The following WDR11 variants were observed in gnomAD, a reference collection of about 807,000 sequenced individuals.
WDR11 encodes WD repeat domain 11.
A neutral mutation model predicts 151.2 loss-of-function variants in WDR11; 83 were observed. That is an observed-to-expected ratio of 0.55 (90% CI 0.46 to 0.66). The LOEUF (loss-of-function observed/expected upper bound fraction) is 0.66. Among genes scored for constraint, WDR11 ranks in the 30% least tolerant of loss-of-function variants. The pLI, the probability that WDR11 is intolerant of heterozygous loss-of-function variation, is 0.00. For missense variants in WDR11, 1,301 were observed against 1,480.9 expected (o/e 0.88, Z 1.99); for synonymous variants, 484 against 533.1 (o/e 0.91, Z 1.27).
rs189718533 is a variant in WDR11, at chr10:120,859,088, T to A, written c.352+292T>A. On this transcript the variant is annotated intron_variant, in intron 3 of 28. Coordinates refer to ENST00000263461, the MANE Select transcript of WDR11 (RefSeq NM_018117.12). ...AAGTAAGTGGTACAATCTTGTAATC[T>A]AAGCTACAATATAAGGAAAATTGGC... Among the ~76,000 whole-genome samples, 297 of 152,306 alleles carry A rather than the reference T, an allele frequency of 2.0e-3. 1 individual carries two copies. The highest frequency in any genetic ancestry group is 0.014 in the South Asian group (68 of 4,814).
intron 5 of WDR11, among the ~76,000 whole-genome samples, chr10:120,863,547 A>G (rs145025477): frequency 2.8e-4 from 42 of 152,350 alleles, no homozygotes; most frequent in African/African-American, 9.1e-4. Context: ...ATTTATTTAG[A>G]AGATGTCGGC....
At chr10:120,851,754 T>C in intron 1 of WDR11, 1 of 586,726 alleles carries the variant, frequency 1.7e-6, no homozygotes, top group Middle Eastern at 4.3e-4. Flanking sequence ...CTGTTTTCTC[T>C]GCACCTCGCC....
intron 19 of WDR11, among the ~76,000 whole-genome samples, chr10:120,893,176 C>G (rs924461817): frequency 6.8e-6 from 1 of 147,562 alleles, no homozygotes; most frequent in African/African-American, 2.5e-5. Flanking sequence ...CCCTCCACCC[C>G]ACAACAGTCC....
chr10:120,895,521 A>G (rs1847581020), intron 19 of WDR11, among the ~76,000 whole-genome samples: 1 of 152,122 alleles, frequency 6.6e-6, no homozygotes, highest in Non-Finnish European at 1.5e-5. Flanking sequence ...AAAAAAAAAA[A>G]TTCAAAGCAA....
At chr10:120,891,290 T>C (rs748240525) in intron 19 of WDR11, among the ~76,000 whole-genome samples, 3 of 152,218 alleles carry the variant, frequency 2.0e-5, no homozygotes, top group Non-Finnish European at 2.9e-5. Flanking sequence ...GAAAAGTCAC[T>C]TTAGAAAGTG....
In WDR11 at chr10:120,902,309, C is replaced by A; in HGVS notation, c.2740C>A (p.Leu914Met). Reference sequence around the variant, plus strand: ...AGAATTCACTCTCTTGCAGAGGTGCCTGCTTGTTTCAAGGTAATATTGTTT... The same window carrying A: ...AGAATTCACTCTCTTGCAGAGGTGCATGCTTGTTTCAAGGTAATATTGTTT... Reference protein sequence around the residue: ...DPEFTLLQRCLLVSRLYGDES... With the variant: ...DPEFTLLQRCMLVSRLYGDES... The change falls in exon 22 of 29, where the codon CTG (leucine) becomes ATG (methionine). Residue 914 changes from leucine (L) to methionine (M), a missense_variant. Leu to Met is a conservative substitution (Grantham distance 15). This residue lies in a region of WDR11 where 589 missense variants were observed against 670.6 expected (regional missense o/e 0.88). Coordinates refer to ENST00000263461, the MANE Select transcript of WDR11 (RefSeq NM_018117.12). The A allele has an allele frequency of 1.2e-6, 2 of 1,613,810 alleles. No homozygotes were observed. Among genetic ancestry groups the A allele is most frequent in the Non-Finnish European group, 1.7e-6 (2 of 1,179,766 alleles).
At position 120,908,901 on chromosome 10, in the gene WDR11, C is replaced by T. The variant is rs898688220; in HGVS notation, c.*188C>T. ...ATGTTGAGAGTAAGTTTGTATCCTG[C>T]GTTGGTCTCAGAAAGAACGTGAATG... On this transcript the variant is annotated 3_prime_UTR_variant, in exon 29 of 29. Coordinates refer to ENST00000263461, the MANE Select transcript of WDR11 (RefSeq NM_018117.12). 3.9e-5 allele frequency: 25 copies of T among 637,976 alleles called. No homozygotes were observed. Among genetic ancestry groups the T allele is most frequent in the Admixed American group, 2.7e-4 (10 of 37,220 alleles). 39.5% of individuals were successfully genotyped at this position (637,976 alleles called of 1,614,324 possible). A position where few individuals can be genotyped will look rare whatever the true frequency, so the allele number is the denominator to read the frequency against.
intron 13 of WDR11, among the ~76,000 whole-genome samples, chr10:120,881,154 G>A (rs1016940054): frequency 2.6e-5 from 4 of 152,086 alleles, no homozygotes; most frequent in Admixed American, 6.5e-5. Flanking sequence ...AAGTTCTTAT[G>A]TACTTCTATC....
At chr10:120,902,424 A>G (rs1703757135) in intron 22 of WDR11, 102 bp downstream of exon 22, 1 of 951,222 alleles carries the variant, frequency 1.1e-6, no homozygotes, top group Admixed American at 2.0e-5. Context: ...AGAAAAATGT[A>G]TCAGTTCATC....
chr10:120,895,836 T>C (rs1447878800), intron 19 of WDR11, among the ~76,000 whole-genome samples: 2 of 152,202 alleles, frequency 1.3e-5, no homozygotes, highest in African/African-American at 4.8e-5. Context: ...ATATACTCTG[T>C]TGGCAAGGCT....
At chr10:120,862,128 T>TTTGG (rs1846162162) in intron 4 of WDR11, among the ~76,000 whole-genome samples, 1 of 151,040 alleles carries the variant, frequency 6.6e-6, no homozygotes, top group Admixed American at 6.6e-5. Context: ...TGTTTGTTTG[T>TTTGG]TTTTTGTTTT....
chr10:120,906,374 G>T, intron 27 of WDR11: 1 of 1,248,874 alleles, frequency 8.0e-7, no homozygotes, highest in Non-Finnish European at 1.0e-6. Flanking sequence ...TGGTGAGGTG[G>T]AGACATCCCG....
At chr10:120,861,278 A>G (rs6585666) in intron 4 of WDR11, among the ~76,000 whole-genome samples, 98,940 of 152,062 alleles carry the variant, frequency 0.65, 33,057 homozygotes, top group African/African-American at 0.82. Flanking sequence ...GGCAGACAAA[A>G]TTGAAATTAT....
chr10:120,858,908 G>T, intron 3 of WDR11, 112 bp downstream of exon 3: 1 of 1,337,036 alleles, frequency 7.5e-7, no homozygotes, highest in Non-Finnish European at 1.0e-6. Context: ...TTCCAAGTTA[G>T]CTCTTGATTG....
chr10:120,908,840 C>T lies in WDR11; in HGVS notation c.*127C>T. The T allele has an allele frequency of 4.9e-6, 5 of 1,017,744 alleles. 1 individual carries two copies. Among genetic ancestry groups the T allele is most frequent in the South Asian group, 3.9e-5 (3 of 75,972 alleles). 63.0% of individuals were successfully genotyped at this position (1,017,744 alleles called of 1,614,324 possible). On this transcript the variant is annotated 3_prime_UTR_variant, in exon 29 of 29. Coordinates refer to ENST00000263461, the MANE Select transcript of WDR11 (RefSeq NM_018117.12). ...TCCTGTGAGCTGTTTGACCACTGTTCTAAGACTATGTGTGCCCAAAAGCAC... is the reference window on the plus strand; with the variant it reads ...TCCTGTGAGCTGTTTGACCACTGTTTTAAGACTATGTGTGCCCAAAAGCAC...
chr10:120,890,549 AG>A (rs1309033433), intron 18 of WDR11, among the ~76,000 whole-genome samples, 166 bp from the exon 19 acceptor site: 1 of 152,236 alleles, frequency 6.6e-6, no homozygotes, highest in African/African-American at 2.4e-5. Context: ...ACTGTCTCTG[AG>A]ACCTTTAAAA....
intron 23 of WDR11, among the ~76,000 whole-genome samples, chr10:120,903,510 CAAA>C (rs60137682): frequency 5.6e-5 from 7 of 126,012 alleles, no homozygotes; most frequent in Admixed American, 7.8e-5. Context: ...ACTCTGTCTC[CAAA>C]AAAAAAAAAA....
At chr10:120,859,001 G>T (rs1218986299) in intron 3 of WDR11, among the ~76,000 whole-genome samples, 1 of 152,086 alleles carries the variant, frequency 6.6e-6, no homozygotes, top group Admixed American at 6.6e-5. Context: ...AATCTCAACT[G>T]ATTTGTGCTT....
chr10:120,886,903 G>A, intron 16 of WDR11, 67 bp downstream of exon 16: 2 of 1,570,152 alleles, frequency 1.3e-6, no homozygotes, highest in Non-Finnish European at 1.7e-6. Flanking sequence ...ATCCAGTGAA[G>A]GCATAGTTAA....
Sources: allele counts gnomAD v4.1 joint callset (sites outside exome capture counted in the v4.1 genomes callset), GRCh38; gene constraint gnomAD v4.1.1; regional missense constraint gnomAD v4.1.1; transcripts MANE v1.5; gene names NCBI Gene and HGNC (gene_info 2026-07-23, HGNC 2026-07-21).